Variants in ANKRD36 observed in about 807,000 individuals in gnomAD.
ANKRD36 encodes the protein ankyrin repeat domain-containing protein 36A.
Under a neutral mutation model 278.1 loss-of-function variants are expected in ANKRD36, and 179 were observed. The ratio of observed to expected loss-of-function variants is 0.64; its 90% confidence interval spans 0.57 to 0.73. The LOEUF is 0.73. ANKRD36 is among the 30% of genes least tolerant of loss of function. The pLI is 0.00. For synonymous variants in ANKRD36, 320 were observed against 641.1 expected, an observed-to-expected ratio of 0.50 and a Z score of 7.57; for missense variants, 1,159 against 1,956.7, an observed-to-expected ratio of 0.59 and a Z score of 7.69.
chr2:97,175,567 A>G (rs2053996339), intron 22 of ANKRD36, among the ~76,000 whole-genome samples: 4 of 151,964 alleles, frequency 2.6e-5, no homozygotes, highest in South Asian at 4.2e-4. Context: ...GATCCTTTCA[A>G]AAAACCAGCT....
intron 5 of ANKRD36, among the ~76,000 whole-genome samples, chr2:97,126,002 T>C (rs2038531024): frequency 6.9e-6 from 1 of 144,392 alleles, no homozygotes; most frequent in Admixed American, 7.2e-5. Context: ...TTTGACTGTT[T>C]GCTGGCTAGC....
At chr2:97,204,118 T>C (rs764253697) in intron 49 of ANKRD36, 22 bp downstream of exon 49, 3 of 1,574,574 alleles carry the variant, frequency 1.9e-6, no homozygotes, top group Admixed American at 3.7e-5. Context: ...GTCGTTTATA[T>C]TGTGAACTAG....
chr2:97,177,728 A>C (rs1273685265), intron 22 of ANKRD36, among the ~76,000 whole-genome samples: 1 of 151,812 alleles, frequency 6.6e-6, no homozygotes, highest in East Asian at 1.9e-4. Context: ...AAAACCCTAG[A>C]AGAAAACCTA....
At chr2:97,184,663 G>T (rs909546894) in intron 28 of ANKRD36, among the ~76,000 whole-genome samples, 3 of 151,540 alleles carry the variant, frequency 2.0e-5, no homozygotes, top group African/African-American at 7.3e-5. Context: ...ATACCTTCCT[G>T]CCATTAGTGG....
At chr2:97,149,952 C>G (rs2045475298) in intron 12 of ANKRD36, among the ~76,000 whole-genome samples, 2 of 151,436 alleles carry the variant, frequency 1.3e-5, no homozygotes, top group African/African-American at 2.4e-5. Context: ...TATCATGTGC[C>G]TGTAGTCCCA....
intron 11 of ANKRD36, among the ~76,000 whole-genome samples, chr2:97,148,904 T>C (rs2045109939): frequency 1.3e-5 from 2 of 152,294 alleles, no homozygotes; most frequent in Admixed American, 6.5e-5. Flanking sequence ...GGTTATCAGG[T>C]TTACTGCAGT....
At position 97,113,687 on chromosome 2, in the gene ANKRD36, C is replaced by T. The variant is rs1271695919; in HGVS notation, c.-53C>T. 4.4e-6 allele frequency: 7 copies of T among 1,608,964 alleles called. No individual in the cohort carries two copies. Among genetic ancestry groups the T allele is most frequent in the Non-Finnish European group, 5.1e-6 (6 of 1,178,572 alleles). On this transcript the variant is annotated 5_prime_UTR_variant, in exon 1 of 76. Coordinates refer to ENST00000420699, the MANE Select transcript of ANKRD36 (RefSeq NM_001354587.1). ...GTTGTTGCTCTTCGGAGGCGGCGAT[C>T]CCCGAAGGCGAGCTGAAATACGGCT...
At chr2:97,201,095 A>C (rs1219731199) in intron 46 of ANKRD36, among the ~76,000 whole-genome samples, 7 of 151,904 alleles carry the variant, frequency 4.6e-5, no homozygotes, top group Admixed American at 1.3e-4. Context: ...TGCATAAACA[A>C]TATTTGACTT....
At chr2:97,212,443 G>A (rs578241909) in intron 58 of ANKRD36, among the ~76,000 whole-genome samples, 32 of 152,010 alleles carry the variant, frequency 2.1e-4, no homozygotes, top group African/African-American at 7.5e-4. Context: ...ATGTTTTGTT[G>A]ATTTCAGTTA....
rs1220917038 is a variant in ANKRD36, at chr2:97,189,728, C to A, written c.2245+438C>A. ...CTGTAGAACGAGAACTAAGGAGACCCCTGATGTAGCAATTATTTTCCCAAG... is the reference window on the plus strand; with the variant it reads ...CTGTAGAACGAGAACTAAGGAGACCACTGATGTAGCAATTATTTTCCCAAG... On this transcript the variant is annotated intron_variant, in intron 34 of 75. Coordinates refer to ENST00000420699, the MANE Select transcript of ANKRD36 (RefSeq NM_001354587.1). Among the ~76,000 whole-genome samples, 60 of 80,174 alleles carry A rather than the reference C, an allele frequency of 7.5e-4. 7 individuals carry two copies. The highest frequency in any genetic ancestry group is 1.7e-3 in the African/African-American group (60 of 35,880). The allele number at this position is 80,174 out of a possible 152,430, so 52.6% of individuals were successfully genotyped here.
intron 6 of ANKRD36, among the ~76,000 whole-genome samples, chr2:97,132,017 C>T (rs943507432): frequency 8.6e-5 from 13 of 151,902 alleles, no homozygotes; most frequent in South Asian, 8.4e-4. Flanking sequence ...TTAGTAGAGT[C>T]GGGGTTTCAC....
At chr2:97,175,499 T>G (rs1222189224) in intron 22 of ANKRD36, among the ~76,000 whole-genome samples, 1 of 151,992 alleles carries the variant, frequency 6.6e-6, no homozygotes, top group Non-Finnish European at 1.5e-5. Context: ...ATTGCGTCTA[T>G]TTGAATCTTC....
chr2:97,121,435 T>C (rs1574521178), intron 3 of ANKRD36, among the ~76,000 whole-genome samples: 1 of 152,058 alleles, frequency 6.6e-6, no homozygotes, highest in South Asian at 2.1e-4. Context: ...GGTCAGAAGA[T>C]TGAGACCATC....
At chr2:97,202,498 T>A (rs2061666511) in intron 48 of ANKRD36, 105 bp downstream of exon 48, 1 of 1,485,288 alleles carries the variant, frequency 6.7e-7, no homozygotes, top group Admixed American at 2.2e-5. Flanking sequence ...ACTTTCTGAT[T>A]CAGCAGGCTG....
At chr2:97,166,915 G>A (rs1398171135) in intron 20 of ANKRD36, among the ~76,000 whole-genome samples, 1 of 152,280 alleles carries the variant, frequency 6.6e-6, no homozygotes, top group Admixed American at 6.5e-5. Flanking sequence ...TAGGGTACAT[G>A]TGCACAATGT....
At chr2:97,199,494 C>G (rs1279024345) in intron 44 of ANKRD36, among the ~76,000 whole-genome samples, 1 of 151,914 alleles carries the variant, frequency 6.6e-6, no homozygotes, top group South Asian at 2.1e-4. Flanking sequence ...ATTTTAGACA[C>G]AAGAATGATG....
intron 16 of ANKRD36, 55 bp downstream of exon 16, chr2:97,158,222 T>G: frequency 7.4e-7 from 1 of 1,353,928 alleles, no homozygotes; most frequent in Middle Eastern, 1.8e-4. Flanking sequence ...TTTTTTTCTT[T>G]CTTTTTCTTT....
In ANKRD36 at chr2:97,198,613, T is replaced by G. The variant is rs545782273; in HGVS notation, c.2710T>G (p.Leu904Val). 1.7e-5 allele frequency: 27 copies of G among 1,545,360 alleles called. No individual in the cohort carries two copies. The South Asian group carries it at 2.6e-4, about 15-fold the overall frequency. The change falls in exon 44 of 76, where the codon TTG becomes GTG. Residue 904 changes from leucine (L) to valine (V), a missense_variant. Transcript: ENST00000420699. ...TTCAAGTGCCGAGAAAGATTCTGTT[T>G]TGAATATAGCCAGAGGAAAAAAGGA... is the stretch of plus-strand genomic sequence containing the variant. ...KASSAEKDSV[L>V]NIARGKKDGE...
rs1239316828 is a variant in ANKRD36, at chr2:97,206,144, G to C, written c.3163+9G>C. 1 of 1,530,350 alleles carries C rather than the reference G, an allele frequency of 6.5e-7. No homozygotes were observed. Among genetic ancestry groups the C allele is most frequent in the Non-Finnish European group, 8.8e-7 (1 of 1,140,530 alleles). The allele number at this position is 1,530,350 out of a possible 1,614,324, so 94.8% of individuals were successfully genotyped here. On this transcript the variant is annotated intron_variant, in intron 52 of 75. Transcript: ENST00000420699. The stretch of plus-strand genomic sequence containing the variant: ...AGAAAAATCTAGGACAGGTAATTCT[G>C]AAAACAGATTTAATGCCATGTTCAG...
Sources: gnomAD v4.1 joint callset for allele counts (sites outside exome capture counted in the v4.1 genomes callset) on GRCh38, gnomAD v4.1.1 for gene constraint, MANE v1.5 for transcripts, NCBI Gene and HGNC (gene_info 2026-07-23, HGNC 2026-07-21) for gene names.